The following MOB1B variants were observed in gnomAD, a reference collection of about 807,000 sequenced individuals.
MOB1B encodes the protein MOB kinase activator 1B.
MOB1B carries 19 observed loss-of-function variants against 24.4 expected under a neutral mutation model. The ratio of observed to expected loss-of-function variants is 0.78; its 90% CI spans 0.54 to 1.14. The LOEUF is 1.14. Among genes scored for constraint, MOB1B ranks in the 50% most tolerant of loss-of-function variants. The probability of loss-of-function intolerance (pLI) is 0.00; values close to 1 mark genes in which losing one functional copy is unlikely to be tolerated. For missense variants in MOB1B, 243 were observed against 259.6 expected (o/e 0.94, Z 0.44); for synonymous variants, 76 against 82.1 (o/e 0.93, Z 0.40).
chr4:70,922,289 A>G (rs935933890), intron 1 of MOB1B, among the ~76,000 whole-genome samples: 1 of 152,240 alleles, frequency 6.6e-6, no homozygotes, highest in Non-Finnish European at 1.5e-5. Context: ...ATGAGCATCG[A>G]AAATAACTTT....
rs570117135 is a variant in MOB1B, at chr4:70,929,794, C to T, written c.14+27244C>T. 1.1e-3 allele frequency among the ~76,000 whole-genome samples: 170 copies of T among 152,180 alleles called. No individual in the cohort carries two copies. The East Asian group carries it at 0.02, about 18-fold the overall frequency. On this transcript the variant is annotated intron_variant, in intron 1 of 5. Coordinates refer to ENST00000309395, the MANE Select transcript of MOB1B (RefSeq NM_173468.4). ...CCGAGTAGCTGGGACTACAGGCACC[C>T]GCCACTGCGCCCAGCTAATTTTTTG...
chr4:70,976,013 C>A lies in MOB1B; in HGVS notation c.409+727C>A, dbSNP rs374718687. 1.9e-4 allele frequency: 49 copies of A among 262,680 alleles called. 1 individual carries two copies. The South Asian group carries it at 6.4e-3, about 34-fold the overall frequency. 16.3% of individuals were successfully genotyped at this position (262,680 alleles called of 1,614,324 possible). A position where few individuals can be genotyped will look rare whatever the true frequency, so the allele number is the denominator to read the frequency against. ...CTCCCGGGTTCAAGTGATTCTCTTG[C>A]CTCAGCATCCTAAGTAACTGGGACT... is the stretch of plus-strand genomic sequence containing the variant. On this transcript the variant is annotated intron_variant, in intron 4 of 5. Transcript: ENST00000309395.
chr4:70,954,463 C>T (rs113141937), intron 1 of MOB1B, among the ~76,000 whole-genome samples: 1,965 of 152,052 alleles, frequency 0.013, 37 homozygotes, highest in African/African-American at 0.045. Flanking sequence ...TTTTCTTTTT[C>T]TTTTTCTTTT....
At chr4:70,910,418 T>C (rs1284501925) in intron 1 of MOB1B, among the ~76,000 whole-genome samples, 1 of 151,810 alleles carries the variant, frequency 6.6e-6, no homozygotes, top group South Asian at 2.1e-4. Flanking sequence ...CACATGCGTG[T>C]ATATACATAT....
chr4:70,970,003 C>T lies in MOB1B; in HGVS notation c.254C>T (p.Pro85Leu). 6.3e-7 allele frequency: 1 copy of T among 1,589,992 alleles called. No homozygotes were observed. The highest frequency in any genetic ancestry group is 2.2e-5 in the East Asian group (1 of 44,562). ...ITDFCTEESC[P>L]VMSAGPKYEY... ...GACTTCTGTACAGAAGAGAGTTGTCCAGTGATGTCAGCTGGCCCAAAGTAA... is the reference window on the plus strand; with the variant it reads ...GACTTCTGTACAGAAGAGAGTTGTCTAGTGATGTCAGCTGGCCCAAAGTAA... Residue 85 changes from proline to leucine, a missense_variant, in exon 3 of 6, where the codon CCA becomes CTA. Transcript: ENST00000309395.
intron 1 of MOB1B, among the ~76,000 whole-genome samples, chr4:70,927,668 A>AT (rs1157101077): frequency 1.3e-5 from 2 of 152,118 alleles, no homozygotes; most frequent in African/African-American, 4.8e-5. Flanking sequence ...TATTGTGTGG[A>AT]TGCGGGGGCC....
chr4:70,922,241 C>T (rs1156633326), intron 1 of MOB1B, among the ~76,000 whole-genome samples: 1 of 152,200 alleles, frequency 6.6e-6, no homozygotes, highest in African/African-American at 2.4e-5. Context: ...TTCCCCATAT[C>T]ACAACCATTT....
intron 1 of MOB1B, among the ~76,000 whole-genome samples, chr4:70,919,107 A>G (rs545535837): frequency 2.6e-5 from 4 of 151,702 alleles, no homozygotes; most frequent in East Asian, 1.9e-4. Context: ...GAATTGAACA[A>G]TGAGAACACA....
Position 70,975,197 on chromosome 4 carries a change from T to G in MOB1B, c.320T>G (p.Ile107Ser), listed in dbSNP as rs758710829. 6.2e-7 allele frequency: 1 copy of G among 1,612,190 alleles called. No homozygotes were observed. The change falls in exon 4 of 6, where the codon ATT (isoleucine) becomes AGT (serine). Residue 107 changes from isoleucine to serine, a missense_variant. Transcript: ENST00000309395. ...WADGTNIKKP[I>S]KCSAPKYIDY... Reference sequence around the variant, plus strand: ...GATGGAACGAACATAAAGAAACCTATTAAGTGCTCTGCACCAAAGTATATT... The same window carrying G: ...GATGGAACGAACATAAAGAAACCTAGTAAGTGCTCTGCACCAAAGTATATT...
intron 5 of MOB1B, 28 bp downstream of exon 5, chr4:70,979,319 C>T: frequency 6.3e-7 from 1 of 1,576,974 alleles, no homozygotes; most frequent in African/African-American, 1.3e-5. Flanking sequence ...GCCTTTGGTG[C>T]TCAGGGTAAG....
chr4:70,902,632 C>G (rs1048214722), intron 1 of MOB1B, 82 bp downstream of exon 1: 3 of 1,386,058 alleles, frequency 2.2e-6, no homozygotes, highest in Non-Finnish European at 2.9e-6. Context: ...CGTCGCCCGC[C>G]CTCGTCCCGA....
chr4:70,909,145 G>A (rs1735879051), intron 1 of MOB1B, among the ~76,000 whole-genome samples: 1 of 151,710 alleles, frequency 6.6e-6, no homozygotes, highest in African/African-American at 2.4e-5. Flanking sequence ...TCTTGATGGT[G>A]CTATGTTTAT....
intron 1 of MOB1B, among the ~76,000 whole-genome samples, chr4:70,916,902 A>G (rs1050773659): frequency 6.6e-6 from 1 of 152,142 alleles, no homozygotes; most frequent in African/African-American, 2.4e-5. Context: ...CATTGGATGT[A>G]TTTCTCTATA....
intron 1 of MOB1B, among the ~76,000 whole-genome samples, chr4:70,946,476 A>G (rs1005270735): frequency 6.6e-6 from 1 of 152,204 alleles, no homozygotes; most frequent in Non-Finnish European, 1.5e-5. Flanking sequence ...AAAGAAATAT[A>G]AACAAATAAG....
chr4:70,971,091 G>T (rs1738734618), intron 3 of MOB1B, among the ~76,000 whole-genome samples: 1 of 152,214 alleles, frequency 6.6e-6, no homozygotes, highest in African/African-American at 2.4e-5. Flanking sequence ...TTTGTATGGG[G>T]TTTGTAGTTG....
In MOB1B at chr4:70,982,043, T is replaced by C. The variant is rs780744296; in HGVS notation, c.637T>C (p.Ser213Pro). ...PLQELIEKLT[S>P]KDR ...CCAAGAACTGATTGAAAAACTCACC[T>C]CAAAAGACAGATAAAAGGATGCAGA... is the stretch of plus-strand genomic sequence containing the variant. The change falls in exon 6 of 6, where the codon TCA becomes CCA. Residue 213 changes from serine to proline, a missense_variant. By Grantham distance (74) the Ser-to-Pro change is moderately conservative (BLOSUM62 -1). Transcript: ENST00000309395. 2 of 1,610,632 alleles carry C rather than the reference T, an allele frequency of 1.2e-6. No individual in the cohort carries two copies. Among genetic ancestry groups the C allele is most frequent in the African/African-American group, 1.3e-5 (1 of 74,836 alleles).
intron 1 of MOB1B, among the ~76,000 whole-genome samples, chr4:70,953,767 A>G (rs1207244274): frequency 6.6e-6 from 1 of 152,192 alleles, no homozygotes; most frequent in African/African-American, 2.4e-5. Flanking sequence ...AACATGGTGA[A>G]ACCCTGTCTC....
intron 1 of MOB1B, among the ~76,000 whole-genome samples, chr4:70,910,867 C>T (rs980308675): frequency 6.6e-6 from 1 of 151,944 alleles, no homozygotes; most frequent in Non-Finnish European, 1.5e-5. Flanking sequence ...CAGCTCACTG[C>T]AACCTCCGCC....
intron 2 of MOB1B, among the ~76,000 whole-genome samples, 173 bp downstream of exon 2, chr4:70,959,213 C>G (rs2148894335): frequency 6.6e-6 from 1 of 152,166 alleles, no homozygotes; most frequent in East Asian, 1.9e-4. Context: ...ATTATTATTA[C>G]TTTTTGAGAC....
Sources: gnomAD v4.1 joint callset for allele counts (sites outside exome capture counted in the v4.1 genomes callset) on GRCh38, gnomAD v4.1.1 for gene constraint, MANE v1.5 for transcripts, NCBI Gene and HGNC (gene_info 2026-07-23, HGNC 2026-07-21) for gene names.